ZNF66: variants seen among roughly 807,000 people sequenced by gnomAD.
ZNF66 encodes the protein zinc finger protein 66.
In ZNF66, 32 loss-of-function variants were observed where a neutral mutation model predicts 35.2. That is an observed-to-expected ratio of 0.91 (90% confidence interval 0.69 to 1.22). ZNF66 has a LOEUF of 1.22. ZNF66 is among the 50% of genes most tolerant of loss of function. The pLI, the probability that ZNF66 is intolerant of heterozygous loss-of-function variation, is 0.00. For missense variants in ZNF66, 666 were observed against 543.1 expected, an observed-to-expected ratio of 1.23 and a Z score of -2.25; for synonymous variants, 231 against 181.3, an observed-to-expected ratio of 1.27 and a Z score of -2.20.
intron 1 of ZNF66, among the ~76,000 whole-genome samples, chr19:20,782,395 T>C (rs1444717617): frequency 1.3e-5 from 2 of 152,310 alleles, no homozygotes; most frequent in Admixed American, 1.3e-4. Flanking sequence ...TACCCAATTT[T>C]GAGATTTCTG....
chr19:20,790,294 G>A (rs534505987), intron 1 of ZNF66, among the ~76,000 whole-genome samples: 7 of 152,328 alleles, frequency 4.6e-5, no homozygotes, highest in South Asian at 4.1e-4. Flanking sequence ...AAGCATCCAC[G>A]TTGTTTTAAT....
At position 20,807,044 on chromosome 19, in the gene ZNF66, A is replaced by G. The variant is rs767569370; in HGVS notation, c.1444A>G (p.Lys482Glu). The G allele has an allele frequency of 1.2e-6, 1 of 848,688 alleles. No homozygotes were observed. The highest frequency in any genetic ancestry group is 1.3e-5 in the South Asian group (1 of 74,396). 52.6% of individuals were successfully genotyped at this position (848,688 alleles called of 1,614,324 possible). A position where few individuals can be genotyped will look rare whatever the true frequency, so the allele number is the denominator to read the frequency against. ...KKIHTGEKPYKCEECGKAFKC... is the reference protein window; with the variant it reads ...KKIHTGEKPYECEECGKAFKC... ...AATTCATACTGGAGAGAAGCCTTAC[A>G]AATGTGAAGAATGTGGCAAGGCCTT... is the stretch of plus-strand genomic sequence containing the variant. The change falls in exon 4 of 4, where the codon AAA (lysine) becomes GAA (glutamate). Residue 482 changes from lysine to glutamate, a missense_variant. Lys to Glu is a moderately conservative substitution (Grantham distance 56). Transcript: ENST00000344519.
At chr19:20,781,654 G>A (rs1223820503) in intron 1 of ZNF66, among the ~76,000 whole-genome samples, 1 of 151,872 alleles carries the variant, frequency 6.6e-6, no homozygotes, top group Non-Finnish European at 1.5e-5. Context: ...GATTACAGGT[G>A]CATTCCACCA....
chr19:20,796,185 A>AT (rs1312969929), intron 3 of ZNF66, among the ~76,000 whole-genome samples: 1 of 151,348 alleles, frequency 6.6e-6, no homozygotes, highest in Non-Finnish European at 1.5e-5. Context: ...CATAATGCCT[A>AT]TTTCTCTCAT....
intron 3 of ZNF66, among the ~76,000 whole-genome samples, chr19:20,804,471 C>G (rs367687): frequency 0.093 from 14,156 of 152,052 alleles, 677 homozygotes; most frequent in Middle Eastern, 0.11. Context: ...TCTTGAACCT[C>G]TGACCTCAAA....
intron 1 of ZNF66, 131 bp downstream of exon 1, chr19:20,776,581 A>G (rs1341520859): frequency 7.9e-7 from 1 of 1,270,528 alleles, no homozygotes; most frequent in Non-Finnish European, 1.1e-6. Flanking sequence ...CCATTCAGCC[A>G]TAAGATGGCG....
chr19:20,776,599 T>A, intron 1 of ZNF66, 149 bp downstream of exon 1: 1 of 1,163,128 alleles, frequency 8.6e-7, no homozygotes, highest in Non-Finnish European at 1.2e-6. Flanking sequence ...GCGGCTACGC[T>A]GACAGCCTGG....
At position 20,792,520 on chromosome 19, in the gene ZNF66, G is replaced by T; in HGVS notation, c.12G>T (p.Leu4Phe). 1 of 1,529,384 alleles carries T rather than the reference G, an allele frequency of 6.5e-7. No homozygotes were observed. The highest frequency in any genetic ancestry group is 9.0e-7 in the Non-Finnish European group (1 of 1,111,832). The allele number at this position is 1,529,384 out of a possible 1,614,324, so 94.7% of individuals were successfully genotyped here. A position where few individuals can be genotyped will look rare whatever the true frequency, so the allele number is the denominator to read the frequency against. The change falls in exon 2 of 4, where the codon TTG (leucine) becomes TTT (phenylalanine). Residue 4 changes from leucine (L) to phenylalanine (F), a missense_variant. Physicochemically the swap from Leu to Phe is conservative, Grantham distance 22. Transcript: ENST00000344519. MGP[L>F]QFRDVAIEFS... The stretch of plus-strand genomic sequence containing the variant: ...GTGTGTATATTTTTCAGGGGCCATT[G>T]CAATTTAGAGATGTGGCCATAGAAT...
chr19:20,796,350 A>G (rs1971392583), intron 3 of ZNF66, among the ~76,000 whole-genome samples: 1 of 152,096 alleles, frequency 6.6e-6, no homozygotes, highest in Admixed American at 6.5e-5. Context: ...ATTTAGATTC[A>G]GATATTTAGG....
Position 20,806,746 on chromosome 19 carries a change from T to G in ZNF66, c.1146T>G (p.Cys382Trp). The change falls in exon 4 of 4, where the codon TGT (cysteine) becomes TGG (tryptophan). Residue 382 changes from cysteine to tryptophan, a missense_variant. Transcript: ENST00000344519. ...GTGGTGAAGCCTTTAAGTACTCCTG[T>G]TCCCTTACTGCACATAAGATAATTC... ...EECGEAFKYSCSLTAHKIIHT... is the reference protein window; with the variant it reads ...EECGEAFKYSWSLTAHKIIHT... 1 of 1,352,942 alleles carries G rather than the reference T, an allele frequency of 7.4e-7. No homozygotes were observed. The highest frequency in any genetic ancestry group is 1.1e-6 in the Non-Finnish European group (1 of 945,298). 83.8% of individuals were successfully genotyped at this position (1,352,942 alleles called of 1,614,324 possible).
intron 1 of ZNF66, among the ~76,000 whole-genome samples, chr19:20,776,892 A>T (rs953970193): frequency 6.6e-6 from 1 of 152,072 alleles, no homozygotes. Context: ...AGGCGGGCGG[A>T]TCACTTGAGG....
intron 1 of ZNF66, among the ~76,000 whole-genome samples, chr19:20,786,349 C>T (rs982541622): frequency 6.6e-6 from 1 of 152,204 alleles, no homozygotes; most frequent in African/African-American, 2.4e-5. Flanking sequence ...TTACCTCTTT[C>T]ACTGACTCTT....
intron 3 of ZNF66, among the ~76,000 whole-genome samples, chr19:20,803,328 G>T (rs117325083): frequency 0.052 from 7,158 of 137,568 alleles, 248 homozygotes; most frequent in Middle Eastern, 0.15. Flanking sequence ...TTTTATCTTT[G>T]TATTGACATG....
At chr19:20,795,609 C>T (rs970738788) in intron 3 of ZNF66, among the ~76,000 whole-genome samples, 9 of 151,914 alleles carry the variant, frequency 5.9e-5, no homozygotes, top group East Asian at 2.0e-4. Context: ...TCAGGCGATC[C>T]GCCCGCCTCA....
chr19:20,799,065 C>CTTTTTTTTTTTTTT (rs746296804), intron 3 of ZNF66: 7 of 128,138 alleles, frequency 5.5e-5, no homozygotes, highest in Non-Finnish European at 8.2e-5. Flanking sequence ...TTCTTTCTTT[C>CTTTTTTTTTTTTTT]TTTTTTTTTT....
chr19:20,800,411 A>G (rs1282125170), intron 3 of ZNF66, among the ~76,000 whole-genome samples: 1 of 152,164 alleles, frequency 6.6e-6, no homozygotes, highest in African/African-American at 2.4e-5. Flanking sequence ...TATTTTATGT[A>G]TCTATGAAGC....
rs536300030 is a variant in ZNF66 at position 20,806,814 on chromosome 19, T to G, written c.1214T>G (p.Val405Gly). 3.1e-6 allele frequency: 4 copies of G among 1,285,030 alleles called. No individual in the cohort carries two copies. In the Admixed American group the frequency reaches 5.1e-5, roughly 16 times the overall value. The allele number at this position is 1,285,030 out of a possible 1,614,324, so 79.6% of individuals were successfully genotyped here. A position where few individuals can be genotyped will look rare whatever the true frequency, so the allele number is the denominator to read the frequency against. Residue 405 changes from valine to glycine, a missense_variant, in exon 4 of 4, where the codon GTG (valine) becomes GGG (glycine). Physicochemically the swap from Val to Gly is moderately radical, Grantham distance 109. Coordinates refer to ENST00000344519, the MANE Select transcript of ZNF66 (RefSeq NM_001355197.2). Reference sequence around the variant, plus strand: ...TACAAATGTGAAGAATGTGGCAAAGTGTTTAAGCACTCCTCTCCCCTTTCT... The same window carrying G: ...TACAAATGTGAAGAATGTGGCAAAGGGTTTAAGCACTCCTCTCCCCTTTCT... ...KPYKCEECGK[V>G]FKHSSPLSKH... is the part of the protein sequence containing the mutation.
intron 2 of ZNF66, 70 bp downstream of exon 2, chr19:20,792,708 T>C: frequency 1.1e-6 from 1 of 904,140 alleles, no homozygotes; most frequent in Non-Finnish European, 1.7e-6. Flanking sequence ...TGTAGAATGT[T>C]AGTAATTTAT....
chr19:20,808,153 G>T lies in ZNF66; in HGVS notation c.*831G>T, dbSNP rs945477867. ...CAAACTGCAAGGCAGCAGCGAGGCT[G>T]GGGGAGGAGCGCCTGCCATTGCCCA... is the stretch of plus-strand genomic sequence containing the variant. On this transcript the variant is annotated 3_prime_UTR_variant, in exon 4 of 4. Transcript: ENST00000344519. Among the ~76,000 whole-genome samples the T allele has an allele frequency of 7.2e-5, 11 of 152,312 alleles. No individual in the cohort carries two copies. The South Asian group carries it at 2.1e-3, about 29-fold the overall frequency.
Sources: gnomAD v4.1 joint callset for allele counts (sites outside exome capture counted in the v4.1 genomes callset) on GRCh38, gnomAD v4.1.1 for gene constraint, MANE v1.5 for transcripts, NCBI Gene and HGNC (gene_info 2026-07-23, HGNC 2026-07-21) for gene names.